The following ASAP1 variants were observed in gnomAD, a reference collection of about 807,000 sequenced individuals.
ASAP1 encodes the protein arf-GAP with SH3 domain, ANK repeat and PH domain-containing protein 1.
A neutral mutation model predicts 145.2 loss-of-function variants in ASAP1; 43 were observed. That is an observed-to-expected ratio of 0.30 (90% CI 0.23 to 0.38). The LOEUF (loss-of-function observed/expected upper bound fraction) is 0.38. Among genes scored for constraint, ASAP1 ranks in the 10% least tolerant of loss-of-function variants. ASAP1 has a pLI of 1.00. For missense variants in ASAP1, 1,018 were observed against 1,355.3 expected (o/e 0.75, Z 3.91); for synonymous variants, 546 against 515.5 (o/e 1.06, Z -0.80).
chr8:130,251,409 C>T (rs111893011), intron 3 of ASAP1, among the ~76,000 whole-genome samples: 2,492 of 152,098 alleles, frequency 0.016, 69 homozygotes, highest in African/African-American at 0.055. Context: ...TAGAGTGAGA[C>T]TCTGTCTTAA....
At chr8:130,300,113 T>TACACACACACACACACACACACACAC (rs373589102) in intron 3 of ASAP1, among the ~76,000 whole-genome samples, 1 of 72,896 alleles carries the variant, frequency 1.4e-5, no homozygotes, top group Non-Finnish European at 2.4e-5. Context: ...AAAAGAAAAA[T>TACACACACACACACACACACACACAC]ACACACACAC....
chr8:130,321,171 C>A (rs1223239279), intron 3 of ASAP1, among the ~76,000 whole-genome samples: 1 of 152,002 alleles, frequency 6.6e-6, no homozygotes, highest in Non-Finnish European at 1.5e-5. Flanking sequence ...CAATCTCCTG[C>A]CCCCAAAAAA....
chr8:130,347,350 G>A (rs1330328840), intron 3 of ASAP1, among the ~76,000 whole-genome samples: 1 of 152,194 alleles, frequency 6.6e-6, no homozygotes, highest in Admixed American at 6.5e-5. Flanking sequence ...AGGATCAAGG[G>A]GAGGTGACAC....
chr8:130,238,414 T>G (rs1425709466), intron 3 of ASAP1, among the ~76,000 whole-genome samples: 1 of 152,128 alleles, frequency 6.6e-6, no homozygotes, highest in Non-Finnish European at 1.5e-5. Flanking sequence ...TGCTTCCAGC[T>G]GTTCCCAAGG....
At chr8:130,309,563 C>G (rs1416816617) in intron 3 of ASAP1, among the ~76,000 whole-genome samples, 1 of 152,158 alleles carries the variant, frequency 6.6e-6, no homozygotes, top group East Asian at 1.9e-4. Context: ...GAGGCGTGAC[C>G]AGGACGGCCT....
At chr8:130,419,159 G>A (rs983008617) in intron 1 of ASAP1, among the ~76,000 whole-genome samples, 3 of 152,172 alleles carry the variant, frequency 2.0e-5, no homozygotes, top group Admixed American at 1.3e-4. Flanking sequence ...CAGTCAAACA[G>A]ATGGTCCAAG....
intron 12 of ASAP1, among the ~76,000 whole-genome samples, chr8:130,159,544 C>A (rs2097664876): frequency 7.4e-6 from 1 of 135,946 alleles, no homozygotes; most frequent in Non-Finnish European, 1.5e-5. Context: ...ATGGCGTGAA[C>A]TCAGGAAAAA....
chr8:130,437,410 A>G (rs1048644705), intron 1 of ASAP1, among the ~76,000 whole-genome samples: 22 of 152,204 alleles, frequency 1.4e-4, no homozygotes, highest in African/African-American at 5.1e-4. Flanking sequence ...CTTTTCTTAC[A>G]TTATCTCAGT....
intron 15 of ASAP1, among the ~76,000 whole-genome samples, chr8:130,134,018 G>A (rs1391636599): frequency 6.6e-6 from 1 of 152,230 alleles, no homozygotes; most frequent in Admixed American, 6.5e-5. Context: ...ATCACAGAAG[G>A]TTATGAAGAG....
chr8:130,117,372 T>C (rs554403716), intron 20 of ASAP1, among the ~76,000 whole-genome samples: 14 of 152,312 alleles, frequency 9.2e-5, no homozygotes, highest in East Asian at 1.9e-4. Context: ...GCAGGGATAT[T>C]TGAACACAGG....
At chr8:130,434,690 G>A (rs1333086634) in intron 1 of ASAP1, among the ~76,000 whole-genome samples, 1 of 152,136 alleles carries the variant, frequency 6.6e-6, no homozygotes, top group Non-Finnish European at 1.5e-5. Context: ...CTGGCCAGAG[G>A]AGGAGCCGCA....
chr8:130,390,938 C>G (rs574812723), intron 2 of ASAP1, among the ~76,000 whole-genome samples: 11 of 145,364 alleles, frequency 7.6e-5, no homozygotes, highest in African/African-American at 2.6e-4. Flanking sequence ...ATATATCCCC[C>G]GCCCCCCCAA....
chr8:130,236,868 A>G, intron 4 of ASAP1, 54 bp downstream of exon 4: 1 of 1,289,830 alleles, frequency 7.8e-7, no homozygotes, highest in Non-Finnish European at 1.1e-6. Context: ...AACTAACAAA[A>G]CTCTGTAGAC....
intron 9 of ASAP1, 36 bp from the exon 10 acceptor site, chr8:130,169,103 TAAAAA>T: frequency 9.4e-7 from 1 of 1,058,842 alleles, no homozygotes; most frequent in South Asian, 1.6e-5. Flanking sequence ...ACCACCAGTA[TAAAAA>T]AAAAAGAGTA....
rs536725833 is a variant in ASAP1, at chr8:130,270,998, C to A, written c.187-34004G>T. On this transcript the variant is annotated intron_variant, in intron 3 of 29. Coordinates refer to ENST00000518721, the MANE Select transcript of ASAP1 (RefSeq NM_018482.4). ...AATCCACTTGGCCAAACAAATCACA[C>A]TGGGGGCAATCTGAGGATCACACCG... Among the ~76,000 whole-genome samples the A allele has an allele frequency of 2.2e-4, 34 of 152,328 alleles. No homozygotes were observed. The East Asian group carries it at 6.0e-3, about 27-fold the overall frequency.
chr8:130,220,552 G>A (rs1817228811), intron 4 of ASAP1, among the ~76,000 whole-genome samples: 1 of 152,150 alleles, frequency 6.6e-6, no homozygotes, highest in Non-Finnish European at 1.5e-5. Context: ...GAAACAGCAA[G>A]GTGGCTGGGT....
intron 1 of ASAP1, among the ~76,000 whole-genome samples, chr8:130,436,577 T>C (rs967782155): frequency 5.3e-5 from 8 of 152,194 alleles, no homozygotes; most frequent in African/African-American, 1.9e-4. Context: ...TCCCAAAGTG[T>C]TGGGCTTACA....
chr8:130,280,840 G>A (rs1821203048), intron 3 of ASAP1, among the ~76,000 whole-genome samples: 1 of 151,924 alleles, frequency 6.6e-6, no homozygotes, highest in Non-Finnish European at 1.5e-5. Context: ...TAATTTTATT[G>A]GTTCATTCTT....
intron 9 of ASAP1, among the ~76,000 whole-genome samples, chr8:130,177,844 T>C (rs948669722): frequency 1.4e-4 from 21 of 152,142 alleles, no homozygotes; most frequent in Non-Finnish European, 2.9e-4. Context: ...ACATACAAGG[T>C]CGCAGGCACT....
Sources: allele counts gnomAD v4.1 joint callset (sites outside exome capture counted in the v4.1 genomes callset), GRCh38; gene constraint gnomAD v4.1.1; transcripts MANE v1.5; gene names NCBI Gene and HGNC (gene_info 2026-07-23, HGNC 2026-07-21).